Variants in GGACT observed in about 807,000 individuals in gnomAD.
GGACT encodes gamma-glutamylamine cyclotransferase.
For synonymous variants in GGACT, 118 were observed against 115.3 expected (o/e 1.02, Z -0.15); for missense variants, 241 against 233.2 (o/e 1.03, Z -0.22).
At chr13:100,572,784 A>G (rs796370087) in intron 2 of GGACT, among the ~76,000 whole-genome samples, 4 of 152,282 alleles carry the variant, frequency 2.6e-5, no homozygotes, top group African/African-American at 9.6e-5. Flanking sequence ...AGAGTCCTCA[A>G]ACTGATTAAT....
At chr13:100,551,249 A>C (rs1437619022) in intron 2 of GGACT, among the ~76,000 whole-genome samples, 3 of 151,870 alleles carry the variant, frequency 2.0e-5, no homozygotes, top group Non-Finnish European at 2.9e-5. Context: ...ACGCCACTGC[A>C]CTCCAGCCTG....
chr13:100,565,082 C>G (rs749974850), intron 2 of GGACT, among the ~76,000 whole-genome samples: 4 of 152,238 alleles, frequency 2.6e-5, no homozygotes, highest in Non-Finnish European at 5.9e-5. Context: ...GCCGCCGCCT[C>G]CTTCCCAATC....
At chr13:100,585,822 CAAAAAAAAAAAAAAAAAAA>C (rs550006144) in intron 1 of GGACT, among the ~76,000 whole-genome samples, 7 of 29,506 alleles carry the variant, frequency 2.4e-4, no homozygotes, top group Admixed American at 1.5e-3. Context: ...CTGTCTCCAC[CAAAAAAAAAAAAAAAAAAA>C]AAAAAAAAAA....
chr13:100,544,475 C>T (rs1425871814), intron 2 of GGACT, among the ~76,000 whole-genome samples: 1 of 152,228 alleles, frequency 6.6e-6, no homozygotes, highest in African/African-American at 2.4e-5. Context: ...GACCCCTCAC[C>T]AGCCCCACTG....
intron 2 of GGACT, among the ~76,000 whole-genome samples, chr13:100,577,594 C>T (rs1457192916): frequency 1.3e-5 from 2 of 151,962 alleles, no homozygotes; most frequent in Non-Finnish European, 2.9e-5. Flanking sequence ...TGATTTCTGG[C>T]ATTTGCTTCA....
At chr13:100,586,958 G>A (rs1361783912) in intron 1 of GGACT, 1 of 152,228 alleles carries the variant, frequency 6.6e-6, no homozygotes, top group Non-Finnish European at 1.5e-5. Flanking sequence ...CTGTTCAGCA[G>A]GACACTGGGC....
chr13:100,553,141 C>A (rs575227904), intron 2 of GGACT, among the ~76,000 whole-genome samples: 2 of 152,298 alleles, frequency 1.3e-5, no homozygotes, highest in East Asian at 3.9e-4. Flanking sequence ...TGATGAGAGC[C>A]GTTCGAGGGC....
chr13:100,565,631 C>A lies in GGACT; in HGVS notation c.-11+18194G>T, dbSNP rs1025710898. 3.9e-5 allele frequency among the ~76,000 whole-genome samples: 6 copies of A among 152,248 alleles called. No individual in the cohort carries two copies. The South Asian group carries it at 8.3e-4, about 21-fold the overall frequency. ...AGTGTTTTACGTTGATGATGACGCC[C>A]ATTTCTTCTTCCCCACTCAATTCTG... On this transcript the variant is annotated intron_variant, in intron 2 of 2. Transcript: ENST00000683975.
In GGACT at chr13:100,545,010, G is replaced by C. The variant is rs1434805979; in HGVS notation, c.-10-12409C>G. On this transcript the variant is annotated intron_variant, in intron 2 of 2. Transcript: ENST00000683975. The surrounding 1 kb of genome is among the most constrained non-coding windows in gnomAD (Gnocchi z 4.4). ...CTGCTGCCTCCTGGTGTGACACTCA[G>C]AAGGCGCAGCGGAGGCGGCAGCAGG... 1.3e-5 allele frequency among the ~76,000 whole-genome samples: 2 copies of C among 152,194 alleles called. No homozygotes were observed. Among genetic ancestry groups the C allele is most frequent in the African/African-American group, 4.8e-5 (2 of 41,450 alleles).
At chr13:100,579,039 C>G (rs1189146010) in intron 2 of GGACT, 3 of 152,116 alleles carry the variant, frequency 2.0e-5, no homozygotes, top group African/African-American at 7.2e-5. Context: ...CTAATTTACT[C>G]TGGCCTGACT....
intron 2 of GGACT, among the ~76,000 whole-genome samples, chr13:100,547,248 C>T (rs1391975631): frequency 1.3e-5 from 2 of 152,198 alleles, no homozygotes; most frequent in Admixed American, 6.5e-5. Flanking sequence ...GCCCCCATCA[C>T]AGCCACTGAC....
intron 2 of GGACT, among the ~76,000 whole-genome samples, chr13:100,551,495 A>G (rs1432256251): frequency 1.3e-5 from 2 of 152,196 alleles, no homozygotes; most frequent in Non-Finnish European, 2.9e-5. Context: ...AACTTCCCAG[A>G]AAAGAAGGAA....
intron 2 of GGACT, among the ~76,000 whole-genome samples, chr13:100,552,780 G>C (rs1401029716): frequency 2.6e-5 from 4 of 152,184 alleles, no homozygotes; most frequent in Non-Finnish European, 5.9e-5. Flanking sequence ...TCCAAAGACA[G>C]AAAAAGCAAC....
chr13:100,549,993 C>A (rs2088641869), intron 2 of GGACT, among the ~76,000 whole-genome samples: 1 of 152,208 alleles, frequency 6.6e-6, no homozygotes, highest in East Asian at 1.9e-4. Context: ...TGTATAATTA[C>A]CCCAAGTTAA....
chr13:100,572,958 A>C (rs574068879), intron 2 of GGACT, among the ~76,000 whole-genome samples: 4 of 152,356 alleles, frequency 2.6e-5, no homozygotes, highest in African/African-American at 7.2e-5. Flanking sequence ...CTTTTGCTAT[A>C]TAATGGCATC....
At position 100,532,374 on chromosome 13, in the gene GGACT, C is replaced by A. The variant is rs1287234804; in HGVS notation, c.218G>T (p.Arg73Leu). ...GAAGTCATCCAGAAAGCGCAGCATC[C>A]GCTCGTCTACCGCGTAGACCTCGCC... ...VEGEVYAVDE[R>L]MLRFLDDFES... The change falls in exon 3 of 3, where the codon CGG (arginine) becomes CTG (leucine). Residue 73 changes from arginine to leucine, a missense_variant. By Grantham distance (102) the Arg-to-Leu change is moderately radical. Transcript: ENST00000683975. 7.7e-6 allele frequency: 12 copies of A among 1,550,530 alleles called. No individual in the cohort carries two copies. The Middle Eastern group carries it at 5.0e-4, about 65-fold the overall frequency.
intron 2 of GGACT, among the ~76,000 whole-genome samples, chr13:100,562,893 CA>C: frequency 6.6e-6 from 1 of 151,956 alleles, no homozygotes; most frequent in Non-Finnish European, 1.5e-5. Flanking sequence ...CTAACAACCC[CA>C]AAAAAAGAGC....
intron 2 of GGACT, among the ~76,000 whole-genome samples, chr13:100,564,323 A>G (rs1484644368): frequency 6.6e-6 from 1 of 152,214 alleles, no homozygotes; most frequent in African/African-American, 2.4e-5. Flanking sequence ...TATACTTTAA[A>G]AACAGAGAAG....
chr13:100,536,538 G>T (rs2088495115), intron 2 of GGACT: 2 of 149,642 alleles, frequency 1.3e-5, no homozygotes. Flanking sequence ...TTCATTCACA[G>T]GCTCAATATA....
Sources: gnomAD v4.1 joint callset for allele counts (sites outside exome capture counted in the v4.1 genomes callset) on GRCh38, gnomAD v4.1.1 for gene constraint, Gnocchi (gnomAD v3.1) non-coding constraint, MANE v1.5 for transcripts, NCBI Gene and HGNC (gene_info 2026-07-23, HGNC 2026-07-21) for gene names.